RORA: variants seen among roughly 807,000 people sequenced by gnomAD.
The protein encoded by RORA is RAR related orphan receptor A.
A neutral mutation model predicts 69.5 loss-of-function variants in RORA; 7 were observed. The observed-to-expected ratio is 0.10, with a 90% CI of 0.06 to 0.19. The LOEUF (loss-of-function observed/expected upper bound fraction) is 0.19. RORA is among the 10% of genes least tolerant of loss of function. The pLI is 1.00. For synonymous variants in RORA, 261 were observed against 240.8 expected, an observed-to-expected ratio of 1.08 and a Z score of -0.78; for missense variants, 457 against 663.0, an observed-to-expected ratio of 0.69 and a Z score of 3.41.
chr15:60,532,657 AAG>A (rs1188209941), intron 2 of RORA, among the ~76,000 whole-genome samples: 6 of 152,366 alleles, frequency 3.9e-5, no homozygotes, highest in Non-Finnish European at 4.4e-5. Context: ...CAGAGTTAAA[AAG>A]AGCATAATTA....
chr15:60,846,384 T>A (rs1271497550), intron 1 of RORA, among the ~76,000 whole-genome samples: 2 of 152,192 alleles, frequency 1.3e-5, no homozygotes, highest in African/African-American at 4.8e-5. Context: ...AAGCAACAGG[T>A]TTCTCTATCG....
chr15:60,501,768 C>T (rs1488795247), intron 8 of RORA, among the ~76,000 whole-genome samples: 4 of 152,020 alleles, frequency 2.6e-5, no homozygotes, highest in African/African-American at 7.3e-5. Flanking sequence ...AATAATAATC[C>T]GTTTTCCAAA....
chr15:60,648,127 G>A (rs930238959), intron 2 of RORA, among the ~76,000 whole-genome samples: 1 of 152,352 alleles, frequency 6.6e-6, no homozygotes, highest in African/African-American at 2.4e-5. Flanking sequence ...AAGCATGACG[G>A]TGTCTCATTC....
rs796351167 is a variant in RORA, at chr15:60,698,633, T to TG, written c.167-19948_167-19947insC. Among the ~76,000 whole-genome samples, 246 of 135,378 alleles carry TG rather than the reference T, an allele frequency of 1.8e-3. 1 individual carries two copies. The highest frequency in any genetic ancestry group is 6.3e-3 in the African/African-American group (241 of 38,560). 88.8% of individuals were successfully genotyped at this position (135,378 alleles called of 152,430 possible). ...ATAGATTTCTTTTGGCATTTGTGTT[T>TG]TTTTTTTTTTTTTTGGAAGTACATT... is the stretch of plus-strand genomic sequence containing the variant. On this transcript the variant is annotated intron_variant, in intron 1 of 10. Coordinates refer to ENST00000335670, the MANE Select transcript of RORA (RefSeq NM_134261.3).
chr15:60,937,965 T>A (rs1454155394), intron 1 of RORA, among the ~76,000 whole-genome samples: 2 of 152,156 alleles, frequency 1.3e-5, no homozygotes, highest in African/African-American at 4.8e-5. Context: ...AGGAACCTCA[T>A]GAGGTGGATC....
chr15:61,072,712 C>T (rs746321375), intron 1 of RORA, among the ~76,000 whole-genome samples: 3 of 152,150 alleles, frequency 2.0e-5, no homozygotes, highest in Non-Finnish European at 2.9e-5. Context: ...CACAGCCCTA[C>T]TCCCAGAAAA....
At chr15:60,744,549 C>G (rs2071621232) in intron 1 of RORA, among the ~76,000 whole-genome samples, 1 of 152,204 alleles carries the variant, frequency 6.6e-6, no homozygotes, top group Admixed American at 6.5e-5. Flanking sequence ...GTCACTTACG[C>G]TCCCTGAGTT....
chr15:60,849,516 C>T (rs2073301881), intron 1 of RORA, among the ~76,000 whole-genome samples: 1 of 152,220 alleles, frequency 6.6e-6, no homozygotes, highest in Non-Finnish European at 1.5e-5. Context: ...GATCCTCCTA[C>T]AGTCTCCACT....
At chr15:61,117,569 TG>T (rs1322371922) in intron 1 of RORA, among the ~76,000 whole-genome samples, 1 of 152,338 alleles carries the variant, frequency 6.6e-6, no homozygotes, top group South Asian at 2.1e-4. Flanking sequence ...TACTTCGAAG[TG>T]CCATGCTTCA....
intron 1 of RORA, among the ~76,000 whole-genome samples, chr15:60,819,746 GACACACACACAC>G (rs59044853): frequency 0.011 from 1,282 of 119,250 alleles, 16 homozygotes; most frequent in African/African-American, 0.027. Context: ...GTCAAACCCA[GACACACACACAC>G]ACACACACAC....
chr15:60,856,314 T>C (rs569047219), intron 1 of RORA, among the ~76,000 whole-genome samples: 33 of 152,316 alleles, frequency 2.2e-4, no homozygotes, highest in African/African-American at 7.9e-4. Flanking sequence ...AACTCAATAT[T>C]TTCTTTTCCT....
chr15:61,209,971 G>T (rs778899394), intron 1 of RORA, among the ~76,000 whole-genome samples: 1 of 152,110 alleles, frequency 6.6e-6, no homozygotes, highest in Admixed American at 6.5e-5. Flanking sequence ...CAACTTCCCC[G>T]CCACAGAACC....
intron 1 of RORA, among the ~76,000 whole-genome samples, chr15:60,817,323 T>C (rs1215711093): frequency 1.3e-5 from 2 of 152,198 alleles, no homozygotes; most frequent in Non-Finnish European, 2.9e-5. Context: ...TAGCATTATG[T>C]CTAAAATACT....
intron 5 of RORA, among the ~76,000 whole-genome samples, chr15:60,506,805 C>T (rs1018733487): frequency 2.0e-5 from 3 of 151,248 alleles, no homozygotes; most frequent in Non-Finnish European, 4.4e-5. Context: ...TGGCCAACAT[C>T]ATGAAACCCT....
intron 1 of RORA, among the ~76,000 whole-genome samples, chr15:61,090,720 C>T (rs16943597): frequency 0.12 from 17,804 of 152,078 alleles, 1,966 homozygotes; most frequent in African/African-American, 0.27. Context: ...AAGAGACAAG[C>T]TGTTTAGTTA....
chr15:61,211,300 A>AAT (rs1555420743), intron 1 of RORA, among the ~76,000 whole-genome samples: 54 of 150,730 alleles, frequency 3.6e-4, no homozygotes, highest in East Asian at 2.1e-3. Flanking sequence ...AAAAAAAAAA[A>AAT]AAAGGATCAT....
intron 1 of RORA, among the ~76,000 whole-genome samples, chr15:61,140,145 A>G (rs1352587655): frequency 6.6e-6 from 1 of 152,186 alleles, no homozygotes; most frequent in African/African-American, 2.4e-5. Flanking sequence ...CAATGGTCTC[A>G]TTTTACCAGT....
intron 1 of RORA, among the ~76,000 whole-genome samples, chr15:61,199,228 C>T (rs921091764): frequency 3.3e-5 from 5 of 151,472 alleles, no homozygotes; most frequent in South Asian, 2.1e-4. Flanking sequence ...TCTCTGCTCT[C>T]GGGAGCAGTG....
intron 1 of RORA, among the ~76,000 whole-genome samples, chr15:60,693,391 A>G (rs1242590329): frequency 6.6e-6 from 1 of 152,210 alleles, no homozygotes; most frequent in African/African-American, 2.4e-5. Context: ...AACTGGCACA[A>G]GACAAGGATG....
Sources: gnomAD v4.1 joint callset for allele counts (sites outside exome capture counted in the v4.1 genomes callset) on GRCh38, gnomAD v4.1.1 for gene constraint, MANE v1.5 for transcripts, NCBI Gene and HGNC (gene_info 2026-07-23, HGNC 2026-07-21) for gene names.